The following GPC3 variants were observed in gnomAD, a reference collection of about 807,000 sequenced individuals.
The protein encoded by GPC3 is glypican-3.
A neutral mutation model predicts 34.4 loss-of-function variants in GPC3; 3 were observed. The observed-to-expected ratio is 0.09, with a 90% confidence interval of 0.04 to 0.23. The LOEUF (loss-of-function observed/expected upper bound fraction) is 0.23, where lower values mean the gene tolerates loss of function less well. Among genes scored for constraint, GPC3 ranks in the 10% least tolerant of loss-of-function variants. The pLI, the probability that GPC3 is intolerant of heterozygous loss-of-function variation, is 1.00. For synonymous variants in GPC3, 177 were observed against 174.0 expected (o/e 1.02, Z -0.13); for missense variants, 351 against 445.6 (o/e 0.79, Z 1.91).
intron 2 of GPC3, among the ~76,000 whole-genome samples, chrX:133,927,308 G>A (rs2076279642): frequency 9.1e-6 from 1 of 109,622 alleles, no homozygotes; most frequent in African/African-American, 3.3e-5. Context: ...TAGTATATAT[G>A]GTATGACCCC....
intron 2 of GPC3, among the ~76,000 whole-genome samples, chrX:133,794,258 C>G (rs7052640): frequency 0.012 from 1,348 of 111,586 alleles, 17 homozygotes; most frequent in African/African-American, 0.04. Flanking sequence ...ATCATGTCTA[C>G]AGAGGCTTTA....
chrX:133,626,841 T>C (rs1268838162), intron 6 of GPC3, among the ~76,000 whole-genome samples: 1 of 107,898 alleles, frequency 9.3e-6, no homozygotes, highest in East Asian at 2.9e-4. Flanking sequence ...TTATAAATCA[T>C]GCTGCTATAA....
In GPC3 at chrX:133,818,049, G is replaced by A. The variant is rs772036513; in HGVS notation, c.338-63873C>T. Reference sequence around the variant, plus strand: ...CAATCATGTCAAGTTTGGAACAGGAGAGGCACTGATTTGATCAGCTATCAT... The same window carrying A: ...CAATCATGTCAAGTTTGGAACAGGAAAGGCACTGATTTGATCAGCTATCAT... On this transcript the variant is annotated intron_variant, in intron 2 of 7. Transcript: ENST00000370818. Among the ~76,000 whole-genome samples, 4 of 111,404 alleles carry A rather than the reference G, an allele frequency of 3.6e-5. No homozygotes were observed. In the South Asian group the frequency reaches 1.2e-3, roughly 32 times the overall value.
intron 7 of GPC3, among the ~76,000 whole-genome samples, chrX:133,539,309 C>G (rs1361052474): frequency 2.7e-5 from 3 of 111,324 alleles, no homozygotes; most frequent in Non-Finnish European, 5.6e-5. Flanking sequence ...TGAAGCTACA[C>G]TGCCTCTTGA....
intron 2 of GPC3, among the ~76,000 whole-genome samples, chrX:133,922,344 C>T (rs180720191): frequency 8.9e-6 from 1 of 111,856 alleles, no homozygotes; most frequent in East Asian, 2.8e-4. Flanking sequence ...TGTGTTTGTA[C>T]TAGTTGTGGT....
intron 2 of GPC3, among the ~76,000 whole-genome samples, chrX:133,822,452 G>C (rs1365080792): frequency 8.9e-6 from 1 of 112,029 alleles, no homozygotes; most frequent in African/African-American, 3.2e-5. Flanking sequence ...AGGTTGCTAA[G>C]ATCTATGGTA....
chrX:133,923,076 A>G lies in GPC3; in HGVS notation c.337+29974T>C, dbSNP rs148724394. ...CATTAGGATTGAAAACAGACTTCCA[A>G]CAAGAAGCCTTACATTCCCCATCTG... is the stretch of plus-strand genomic sequence containing the variant. On this transcript the variant is annotated intron_variant, in intron 2 of 7. Coordinates refer to ENST00000370818, the MANE Select transcript of GPC3 (RefSeq NM_004484.4). 5.2e-3 allele frequency among the ~76,000 whole-genome samples: 582 copies of G among 111,024 alleles called. 2 individuals carry two copies. Among genetic ancestry groups the G allele is most frequent in the African/African-American group, 0.018 (550 of 30,511 alleles).
chrX:133,825,940 G>A (rs940504078), intron 2 of GPC3, among the ~76,000 whole-genome samples: 2 of 111,843 alleles, frequency 1.8e-5, no homozygotes, highest in African/African-American at 6.5e-5. Flanking sequence ...TGACCACTAA[G>A]CTAACCAGAC....
chrX:133,806,954 G>A (rs1362679797), intron 2 of GPC3, among the ~76,000 whole-genome samples: 1 of 111,717 alleles, frequency 9.0e-6, no homozygotes, highest in East Asian at 2.8e-4. Context: ...GGCCAAGATC[G>A]CCTATTTTAA....
At chrX:133,890,959 C>T (rs1438021094) in intron 2 of GPC3, among the ~76,000 whole-genome samples, 1 of 109,445 alleles carries the variant, frequency 9.1e-6, no homozygotes, top group Admixed American at 9.8e-5. Flanking sequence ...AACCCAAGAG[C>T]TCAAGGTTAC....
intron 2 of GPC3, among the ~76,000 whole-genome samples, chrX:133,896,566 T>C: frequency 9.0e-6 from 1 of 111,589 alleles, no homozygotes. Context: ...GTCAAATTTG[T>C]ACTCAGTGAA....
intron 5 of GPC3, among the ~76,000 whole-genome samples, chrX:133,683,544 T>C: frequency 8.9e-6 from 1 of 111,988 alleles, no homozygotes; most frequent in South Asian, 3.8e-4. Context: ...CCAACTGAGC[T>C]CAACAGAGGC....
intron 6 of GPC3, among the ~76,000 whole-genome samples, chrX:133,603,427 T>G: frequency 9.0e-6 from 1 of 111,430 alleles, no homozygotes; most frequent in East Asian, 2.8e-4. Context: ...GCTGCTCCAA[T>G]GTTACTCTGC....
chrX:133,771,520 A>T (rs1169757891), intron 2 of GPC3, among the ~76,000 whole-genome samples: 1 of 112,134 alleles, frequency 8.9e-6, no homozygotes, highest in Non-Finnish European at 1.9e-5. Context: ...AGCCTGACCC[A>T]AACGCTAAAT....
At chrX:133,881,563 G>C (rs762542788) in intron 2 of GPC3, among the ~76,000 whole-genome samples, 83 of 112,516 alleles carry the variant, frequency 7.4e-4, no homozygotes, top group African/African-American at 2.4e-3. Flanking sequence ...TTAGCAGTTT[G>C]TCTTCATGTT....
At chrX:133,894,794 C>T (rs2076104588) in intron 2 of GPC3, among the ~76,000 whole-genome samples, 1 of 111,814 alleles carries the variant, frequency 8.9e-6, no homozygotes, top group Non-Finnish European at 1.9e-5. Context: ...GAACTGAGAT[C>T]GTGCCACAGC....
At chrX:133,900,214 C>A (rs2076138299) in intron 2 of GPC3, among the ~76,000 whole-genome samples, 1 of 112,697 alleles carries the variant, frequency 8.9e-6, no homozygotes, top group African/African-American at 3.2e-5. Flanking sequence ...AACCCCCTAG[C>A]AGAGATCCCT....
chrX:133,596,302 A>G, intron 7 of GPC3, 138 bp downstream of exon 7: 1 of 586,953 alleles, frequency 1.7e-6, no homozygotes, highest in Non-Finnish European at 2.9e-6. Context: ...TAGAGCTTGT[A>G]TAGTCTTTCC....
At chrX:133,663,720 T>C (rs1326350224) in intron 5 of GPC3, among the ~76,000 whole-genome samples, 1 of 111,716 alleles carries the variant, frequency 9.0e-6, no homozygotes, top group Non-Finnish European at 1.9e-5. Flanking sequence ...CAAACCAGCC[T>C]AGTTTGGGAC....
Sources: allele counts gnomAD v4.1 joint callset (sites outside exome capture counted in the v4.1 genomes callset), GRCh38; gene constraint gnomAD v4.1.1; transcripts MANE v1.5; gene names NCBI Gene and HGNC (gene_info 2026-07-23, HGNC 2026-07-21).